The following PRR5L variants were observed in gnomAD, a reference collection of about 807,000 sequenced individuals.
PRR5L encodes the protein proline-rich protein 5-like.
PRR5L carries 21 observed loss-of-function variants against 36.4 expected under a neutral mutation model. The observed-to-expected ratio is 0.58, with a 90% CI of 0.41 to 0.83. The LOEUF is 0.83. Ranked by LOEUF, PRR5L falls within the 40% of genes least tolerant of loss-of-function variation. The pLI is 0.00. For missense variants in PRR5L, 381 were observed against 473.3 expected, an observed-to-expected ratio of 0.80 and a Z score of 1.81; for synonymous variants, 188 against 197.0, an observed-to-expected ratio of 0.95 and a Z score of 0.38.
At chr11:36,306,485 T>A (rs1856433591) in intron 1 of PRR5L, among the ~76,000 whole-genome samples, 1 of 152,232 alleles carries the variant, frequency 6.6e-6, no homozygotes, top group Non-Finnish European at 1.5e-5. Flanking sequence ...AGTCTGTCAT[T>A]GATGGACATT....
chr11:36,324,500 G>T (rs1186847781), intron 1 of PRR5L, among the ~76,000 whole-genome samples: 1 of 152,038 alleles, frequency 6.6e-6, no homozygotes, highest in African/African-American at 2.4e-5. Flanking sequence ...AAAACCACTA[G>T]GTTGGGCACT....
chr11:36,457,029 G>A (rs1010345152), intron 8 of PRR5L, among the ~76,000 whole-genome samples: 4 of 152,212 alleles, frequency 2.6e-5, no homozygotes, highest in African/African-American at 9.7e-5. Context: ...GGCTTCTCTT[G>A]TCCATTTGCT....
chr11:36,366,631 G>A (rs1455822018), intron 1 of PRR5L, among the ~76,000 whole-genome samples: 1 of 152,136 alleles, frequency 6.6e-6, no homozygotes, highest in Non-Finnish European at 1.5e-5. Context: ...TAGTATTTTA[G>A]TTTATTCGTC....
intron 1 of PRR5L, among the ~76,000 whole-genome samples, chr11:36,307,054 A>C (rs1856441769): frequency 6.6e-6 from 1 of 152,132 alleles, no homozygotes; most frequent in African/African-American, 2.4e-5. Flanking sequence ...TTTTGTTGTA[A>C]ATTTCTAGAA....
chr11:36,351,610 T>A lies in PRR5L; in HGVS notation c.-125-49387T>A, dbSNP rs1387052037. On this transcript the variant is annotated intron_variant, in intron 1 of 8. Transcript: ENST00000530639. ...ATTTATATATTTATATAAATATATATTTATATATTTATATATTTATATAAA... is the reference window on the plus strand; with the variant it reads ...ATTTATATATTTATATAAATATATAATTATATATTTATATATTTATATAAA... 2.4e-3 allele frequency among the ~76,000 whole-genome samples: 5 copies of A among 2,120 alleles called. 1 individual carries two copies. The highest frequency in any genetic ancestry group is 0.014 in the African/African-American group (5 of 360). The allele number at this position is 2,120 out of a possible 152,430, so 1.4% of individuals were successfully genotyped here. A position where few individuals can be genotyped will look rare whatever the true frequency, so the allele number is the denominator to read the frequency against.
intron 1 of PRR5L, among the ~76,000 whole-genome samples, chr11:36,340,353 C>G (rs987546346): frequency 6.6e-6 from 1 of 152,224 alleles, no homozygotes; most frequent in African/African-American, 2.4e-5. Flanking sequence ...TCTAAGATGG[C>G]ACAGTCCCTC....
chr11:36,323,572 T>C (rs1403610847), intron 1 of PRR5L: 2 of 152,242 alleles, frequency 1.3e-5, no homozygotes, highest in Admixed American at 1.3e-4. Flanking sequence ...TGCCATGACA[T>C]GAAAAACCTG....
At chr11:36,343,409 C>T (rs965182278) in intron 1 of PRR5L, among the ~76,000 whole-genome samples, 1 of 152,170 alleles carries the variant, frequency 6.6e-6, no homozygotes, top group Non-Finnish European at 1.5e-5. Flanking sequence ...TCTTTGTTGC[C>T]TGAGGCTGTC....
Position 36,401,032 on chromosome 11 carries a change from GGGCC to G in PRR5L, c.-89_-86del. The G allele has an allele frequency of 2.6e-6, 4 of 1,529,650 alleles. No individual in the cohort carries two copies. The highest frequency in any genetic ancestry group is 2.3e-5 in the East Asian group (1 of 43,500). 94.8% of individuals were successfully genotyped at this position (1,529,650 alleles called of 1,614,324 possible). On this transcript the variant is annotated 5_prime_UTR_variant, in exon 2 of 9. The change creates a premature stop within an existing upstream ORF in the 5' untranslated region. Coordinates refer to ENST00000530639, the MANE Select transcript of PRR5L (RefSeq NM_001160167.2). ...CGTTTGTGGTTTTAAGAAAGCCTGA[GGGCC>G]TGAAGGCAGCCCCTGGAGAAGCCCT...
At chr11:36,333,937 T>TG (rs1216098085) in intron 1 of PRR5L, among the ~76,000 whole-genome samples, 2 of 152,192 alleles carry the variant, frequency 1.3e-5, no homozygotes, top group African/African-American at 4.8e-5. Context: ...TGTCCAAGGC[T>TG]AGTAAAGCAG....
At chr11:36,450,011 C>T (rs913873303) in intron 7 of PRR5L, among the ~76,000 whole-genome samples, 2 of 152,136 alleles carry the variant, frequency 1.3e-5, no homozygotes, top group African/African-American at 4.8e-5. Context: ...CAAATCTGCA[C>T]CATAGCCCCA....
chr11:36,442,656 C>G (rs1858746280), intron 6 of PRR5L, among the ~76,000 whole-genome samples: 1 of 88,394 alleles, frequency 1.1e-5, no homozygotes, highest in Non-Finnish European at 2.7e-5. Flanking sequence ...TTTATTTTAC[C>G]AGATACTCTA....
At chr11:36,390,358 G>A (rs1364618273) in intron 1 of PRR5L, among the ~76,000 whole-genome samples, 1 of 152,232 alleles carries the variant, frequency 6.6e-6, no homozygotes, top group Non-Finnish European at 1.5e-5. Flanking sequence ...AGGCCAATGA[G>A]CAGACTTCAG....
chr11:36,367,175 G>A (rs1590489377), intron 1 of PRR5L, among the ~76,000 whole-genome samples: 1 of 152,146 alleles, frequency 6.6e-6, no homozygotes, highest in East Asian at 1.9e-4. Flanking sequence ...ATATTCAACA[G>A]CATGCAGTAA....
chr11:36,415,264 C>G (rs1252187223), intron 3 of PRR5L, among the ~76,000 whole-genome samples: 1 of 152,132 alleles, frequency 6.6e-6, no homozygotes, highest in African/African-American at 2.4e-5. Flanking sequence ...GTGGACTAGA[C>G]TGGGTTCTGG....
chr11:36,313,051 G>A (rs1277069504), intron 1 of PRR5L, among the ~76,000 whole-genome samples: 2 of 152,206 alleles, frequency 1.3e-5, no homozygotes, highest in Non-Finnish European at 2.9e-5. Flanking sequence ...GTGCAGCTGT[G>A]TTCACAGAAC....
intron 1 of PRR5L, among the ~76,000 whole-genome samples, chr11:36,309,331 G>C (rs1460073061): frequency 1.3e-5 from 2 of 152,218 alleles, no homozygotes; most frequent in Non-Finnish European, 2.9e-5. Flanking sequence ...GTAGAAGAAA[G>C]AGCACTAGAC....
intron 8 of PRR5L, among the ~76,000 whole-genome samples, chr11:36,453,129 T>G (rs1367435686): frequency 6.6e-6 from 1 of 152,240 alleles, no homozygotes; most frequent in African/African-American, 2.4e-5. Flanking sequence ...TGCTGGCTGA[T>G]AAGGGTCTAA....
At chr11:36,374,105 C>CCTTCCTTCCTTCCTGCCT (rs776652107) in intron 1 of PRR5L, among the ~76,000 whole-genome samples, 29 of 67,840 alleles carry the variant, frequency 4.3e-4, no homozygotes, top group African/African-American at 1.6e-3. Flanking sequence ...TTCCTTCCTT[C>CCTTCCTTCCTTCCTGCCT]CTCTCTCTCT....
Sources: allele counts gnomAD v4.1 joint callset (sites outside exome capture counted in the v4.1 genomes callset), GRCh38; gene constraint gnomAD v4.1.1; transcripts MANE v1.5; gene names NCBI Gene and HGNC (gene_info 2026-07-23, HGNC 2026-07-21).